Variants in CADPS observed in about 807,000 individuals in gnomAD.
The protein encoded by CADPS is calcium dependent secretion activator.
Under a neutral mutation model 167.3 loss-of-function variants are expected in CADPS, and 57 were observed. The observed-to-expected ratio is 0.34, with a 90% CI of 0.28 to 0.42. The LOEUF (loss-of-function observed/expected upper bound fraction) is 0.42. Among genes scored for constraint, CADPS ranks in the 20% least tolerant of loss-of-function variants. CADPS has a pLI of 1.00. For missense variants in CADPS, 1,414 were observed against 1,738.1 expected (o/e 0.81, Z 3.32); for synonymous variants, 676 against 635.3 (o/e 1.06, Z -0.96).
At chr3:62,503,013 A>G (rs2066024636) in intron 17 of CADPS, among the ~76,000 whole-genome samples, 1 of 152,054 alleles carries the variant, frequency 6.6e-6, no homozygotes, top group African/African-American at 2.4e-5. Flanking sequence ...CAGAGGTGTG[A>G]CATTGTTTGA....
intron 6 of CADPS, among the ~76,000 whole-genome samples, chr3:62,616,436 C>A (rs1004761158): frequency 2.0e-5 from 3 of 150,644 alleles, no homozygotes; most frequent in Non-Finnish European, 4.4e-5. Flanking sequence ...CAAAAAAAAT[C>A]AGATACATGA....
At chr3:62,689,277 C>A (rs1195715594) in intron 3 of CADPS, among the ~76,000 whole-genome samples, 2 of 151,864 alleles carry the variant, frequency 1.3e-5, no homozygotes, top group African/African-American at 4.8e-5. Context: ...CTGTTATGAC[C>A]TTAGGTGGCT....
intron 17 of CADPS, 92 bp from the exon 18 acceptor site, chr3:62,499,360 T>C (rs961096362): frequency 2.6e-6 from 2 of 775,142 alleles, no homozygotes; most frequent in Non-Finnish European, 2.2e-6. Context: ...TGAGAATAGT[T>C]ATCAGTTTTT....
At chr3:62,483,575 G>A (rs749048000) in intron 21 of CADPS, among the ~76,000 whole-genome samples, 2 of 152,092 alleles carry the variant, frequency 1.3e-5, no homozygotes, top group Non-Finnish European at 2.9e-5. Context: ...TCATAAATTT[G>A]TCCTTTACAC....
chr3:62,424,714 C>G (rs1000925981), intron 28 of CADPS, among the ~76,000 whole-genome samples: 21 of 152,258 alleles, frequency 1.4e-4, no homozygotes, highest in Non-Finnish European at 1.2e-4. Context: ...TGGGCCAAAG[C>G]GATTCATTAC....
chr3:62,709,593 C>G (rs2082981953), intron 3 of CADPS, among the ~76,000 whole-genome samples: 1 of 151,872 alleles, frequency 6.6e-6, no homozygotes, highest in Admixed American at 6.6e-5. Flanking sequence ...AGGCATATGC[C>G]CGACCTAGCT....
At chr3:62,679,643 C>A (rs2076839188) in intron 3 of CADPS, among the ~76,000 whole-genome samples, 1 of 152,006 alleles carries the variant, frequency 6.6e-6, no homozygotes, top group Non-Finnish European at 1.5e-5. Flanking sequence ...ACTCACCAGC[C>A]CAACTAAGTA....
chr3:62,707,264 T>C (rs1309825648), intron 3 of CADPS, among the ~76,000 whole-genome samples: 1 of 152,096 alleles, frequency 6.6e-6, no homozygotes, highest in Non-Finnish European at 1.5e-5. Flanking sequence ...ATGCTCCTTA[T>C]GAGAATCTAA....
At chr3:62,405,970 T>C (rs771030804) in intron 28 of CADPS, among the ~76,000 whole-genome samples, 12 of 152,160 alleles carry the variant, frequency 7.9e-5, no homozygotes, top group Non-Finnish European at 1.5e-4. Context: ...ACGTTATCTG[T>C]TGTAGAGGAG....
At chr3:62,490,206 T>C (rs1235496577) in intron 21 of CADPS, among the ~76,000 whole-genome samples, 1 of 151,904 alleles carries the variant, frequency 6.6e-6, no homozygotes, top group East Asian at 1.9e-4. Context: ...TGTTCTGGAG[T>C]TCCTAAAATG....
At chr3:62,534,473 G>A (rs935547247) in intron 12 of CADPS, among the ~76,000 whole-genome samples, 1 of 152,178 alleles carries the variant, frequency 6.6e-6, no homozygotes, top group Non-Finnish European at 1.5e-5. Flanking sequence ...GAGTAGTCGA[G>A]GCAGTGGGCT....
intron 1 of CADPS, among the ~76,000 whole-genome samples, chr3:62,837,104 A>G (rs2076009023): frequency 6.6e-6 from 1 of 152,224 alleles, no homozygotes; most frequent in African/African-American, 2.4e-5. Context: ...GTTAATAAAT[A>G]TGTTAATATT....
chr3:62,762,501 A>G (rs980737359), intron 2 of CADPS, among the ~76,000 whole-genome samples: 2 of 151,954 alleles, frequency 1.3e-5, no homozygotes, highest in Non-Finnish European at 2.9e-5. Context: ...TACAAAAAAT[A>G]CAAAAATTAG....
chr3:62,851,195 T>C (rs1373475091), intron 1 of CADPS, among the ~76,000 whole-genome samples: 1 of 142,090 alleles, frequency 7.0e-6, no homozygotes, highest in East Asian at 2.0e-4. Context: ...GTTTCCTGAA[T>C]ACAGCACATT....
intron 6 of CADPS, among the ~76,000 whole-genome samples, chr3:62,633,925 TA>T: frequency 6.6e-6 from 1 of 152,344 alleles, no homozygotes; most frequent in Non-Finnish European, 1.5e-5. Flanking sequence ...AGCTAAAATT[TA>T]AACTTTTTTT....
Position 62,478,972 on chromosome 3 carries a change from G to C in CADPS, c.3174-556C>G, listed in dbSNP as rs1404110688. ...AAGAAATTAGGGTGACTCAGATCAA[G>C]AGGGGTACACCTGGATACCTTGATT... is the stretch of plus-strand genomic sequence containing the variant. On this transcript the variant is annotated intron_variant, in intron 22 of 29. Transcript: ENST00000383710. This position sits in a 1 kb window ranked among gnomAD's most constrained non-coding sequence, Gnocchi z 5.7. Among the ~76,000 whole-genome samples, 1 of 152,202 alleles carries C rather than the reference G, an allele frequency of 6.6e-6. No homozygotes were observed. The highest frequency in any genetic ancestry group is 2.1e-4 in the South Asian group (1 of 4,828).
chr3:62,491,575 A>ACG lies in CADPS; in HGVS notation c.2885-96_2885-95insCG, dbSNP rs10696211. The ACG allele has an allele frequency of 4.6e-4, 455 of 980,480 alleles. 2 individuals are homozygous for ACG. In the East Asian group the frequency reaches 0.011, roughly 24 times the overall value. 60.7% of individuals were successfully genotyped at this position (980,480 alleles called of 1,614,324 possible). On this transcript the variant is annotated intron_variant, in intron 20 of 29. Transcript: ENST00000383710. ...CACACACAAACACACACACACACAC[A>ACG]CACACACACAGATGATTGATTGTCT...
intron 1 of CADPS, among the ~76,000 whole-genome samples, chr3:62,873,111 T>C (rs2082939412): frequency 1.3e-5 from 2 of 152,212 alleles, no homozygotes; most frequent in South Asian, 4.1e-4. Context: ...TGGAGAGTCT[T>C]GTGTGTAACC....
Position 62,758,035 on chromosome 3 carries a change from G to C in CADPS, c.556-4262C>G, listed in dbSNP as rs572380276. Among the ~76,000 whole-genome samples, 15 of 152,334 alleles carry C rather than the reference G, an allele frequency of 9.8e-5. No individual in the cohort carries two copies. In the East Asian group the frequency reaches 2.3e-3, roughly 24 times the overall value. ...GGAGCTACAATTCAAGATGAGATTT[G>C]AGTGGGGACAAAGCCAAACCATATC... On this transcript the variant is annotated intron_variant, in intron 2 of 29. Coordinates refer to ENST00000383710, the MANE Select transcript of CADPS (RefSeq NM_003716.4).
Sources: allele counts gnomAD v4.1 joint callset (sites outside exome capture counted in the v4.1 genomes callset), GRCh38; gene constraint gnomAD v4.1.1; non-coding constraint Gnocchi (gnomAD v3.1); transcripts MANE v1.5; gene names NCBI Gene and HGNC (gene_info 2026-07-23, HGNC 2026-07-21).